CNOT6L: variants seen among roughly 807,000 people sequenced by gnomAD.
CNOT6L encodes CCR4-NOT transcription complex subunit 6-like.
A neutral mutation model predicts 64.0 loss-of-function variants in CNOT6L; 7 were observed. The observed-to-expected ratio is 0.11, with a 90% CI of 0.06 to 0.21. The LOEUF (loss-of-function observed/expected upper bound fraction) is 0.21, where lower values mean the gene tolerates loss of function less well. CNOT6L is among the 10% of genes least tolerant of loss of function. The pLI is 1.00. For synonymous variants in CNOT6L, 193 were observed against 243.4 expected, an observed-to-expected ratio of 0.79 and a Z score of 1.93; for missense variants, 245 against 669.0, an observed-to-expected ratio of 0.37 and a Z score of 6.99.
intron 4 of CNOT6L, among the ~76,000 whole-genome samples, chr4:77,764,379 C>T (rs772106079): frequency 2.6e-5 from 4 of 151,972 alleles, no homozygotes; most frequent in South Asian, 2.1e-4. Flanking sequence ...ATGAATAAAT[C>T]GTATGTCCCA....
chr4:77,732,704 C>T (rs1264587208), intron 8 of CNOT6L, among the ~76,000 whole-genome samples: 1 of 151,974 alleles, frequency 6.6e-6, no homozygotes, highest in African/African-American at 2.4e-5. Context: ...TTAAATATGA[C>T]AGATGAAAGT....
chr4:77,808,748 A>C (rs1005975674), intron 1 of CNOT6L, among the ~76,000 whole-genome samples: 2 of 152,184 alleles, frequency 1.3e-5, no homozygotes, highest in African/African-American at 2.4e-5. Flanking sequence ...GGCAAGAGCA[A>C]CATCTATCTC....
chr4:77,799,704 CAAAAAAAA>C (rs71214370), intron 1 of CNOT6L, among the ~76,000 whole-genome samples: 1 of 90,934 alleles, frequency 1.1e-5, no homozygotes, highest in Admixed American at 1.3e-4. Flanking sequence ...AACTCCATCT[CAAAAAAAA>C]AAAAAAAAAA....
chr4:77,772,068 T>C (rs1036858194), intron 4 of CNOT6L, among the ~76,000 whole-genome samples: 20 of 152,312 alleles, frequency 1.3e-4, no homozygotes, highest in Admixed American at 5.9e-4. Context: ...GAAGCATGCA[T>C]TTTGGACTAA....
chr4:77,717,048 A>AAAC lies in CNOT6L; in HGVS notation c.*3380_*3382dup, dbSNP rs1720819787. ...TATTATACAAAATTTTTTTTACATA[A>AAAC]AACATCATAAATCTGGAACAGATTT... On this transcript the variant is annotated 3_prime_UTR_variant, in exon 12 of 12. Transcript: ENST00000504123. The AAAC allele has an allele frequency of 6.6e-6, 1 of 152,562 alleles. No homozygotes were observed. Among genetic ancestry groups the AAAC allele is most frequent in the South Asian group, 2.1e-4 (1 of 4,828 alleles). The allele number at this position is 152,562 out of a possible 1,614,324, so 9.5% of individuals were successfully genotyped here.
intron 1 of CNOT6L, among the ~76,000 whole-genome samples, chr4:77,808,988 G>A (rs1048666949): frequency 6.6e-5 from 10 of 152,256 alleles, no homozygotes; most frequent in Admixed American, 1.3e-4. Context: ...AATAGTGTAC[G>A]TGTATTGTTT....
chr4:77,749,875 G>A (rs1724659048), intron 5 of CNOT6L, among the ~76,000 whole-genome samples: 1 of 152,186 alleles, frequency 6.6e-6, no homozygotes, highest in Admixed American at 6.6e-5. Flanking sequence ...CCCTATGACT[G>A]AGTAAAATTC....
At chr4:77,800,994 T>C (rs762868631) in intron 1 of CNOT6L, among the ~76,000 whole-genome samples, 9 of 152,216 alleles carry the variant, frequency 5.9e-5, no homozygotes, top group Non-Finnish European at 1.3e-4. Context: ...ACTCTACTCA[T>C]ATAAATGACT....
In CNOT6L at chr4:77,714,223, G is replaced by A. The variant is rs1022019568; in HGVS notation, c.*6208C>T. On this transcript the variant is annotated 3_prime_UTR_variant, in exon 12 of 12. Transcript: ENST00000504123. ...ATGACTCAAATGTATGCAAAATAAT[G>A]AATTCTTTAACTTAATGCCAGGTAA... The A allele has an allele frequency of 6.6e-6, 1 of 152,250 alleles. No homozygotes were observed. Among genetic ancestry groups the A allele is most frequent in the African/African-American group, 2.4e-5 (1 of 41,330 alleles). The allele number at this position is 152,250 out of a possible 1,614,324, so 9.4% of individuals were successfully genotyped here. A position where few individuals can be genotyped will look rare whatever the true frequency, so the allele number is the denominator to read the frequency against.
chr4:77,749,891 C>T (rs1724660593), intron 5 of CNOT6L, among the ~76,000 whole-genome samples: 1 of 152,152 alleles, frequency 6.6e-6, no homozygotes, highest in South Asian at 2.1e-4. Flanking sequence ...AATTCTATTT[C>T]CTGGGATCAG....
intron 1 of CNOT6L, among the ~76,000 whole-genome samples, chr4:77,780,363 T>C (rs929412529): frequency 6.6e-6 from 1 of 152,198 alleles, no homozygotes; most frequent in Non-Finnish European, 1.5e-5. Context: ...TACAACAACT[T>C]ACATAGATTC....
At chr4:77,731,615 G>T in intron 8 of CNOT6L, 77 bp from the exon 9 acceptor site, 3 of 1,069,524 alleles carry the variant, frequency 2.8e-6, no homozygotes, top group Non-Finnish European at 4.0e-6. Flanking sequence ...AACATGACAT[G>T]CATTGTCTCC....
At chr4:77,774,823 T>C (rs894290679) in intron 2 of CNOT6L, 107 bp from the exon 3 acceptor site, 14 of 613,706 alleles carry the variant, frequency 2.3e-5, no homozygotes, top group Non-Finnish European at 3.4e-5. Context: ...CACATGGATA[T>C]TGTATCTCTG....
At chr4:77,788,673 A>G (rs1182816145) in intron 1 of CNOT6L, among the ~76,000 whole-genome samples, 1 of 152,210 alleles carries the variant, frequency 6.6e-6, no homozygotes, top group Non-Finnish European at 1.5e-5. Flanking sequence ...CGCTGCAGTG[A>G]GCCAAGATTA....
intron 4 of CNOT6L, 82 bp downstream of exon 4, chr4:77,772,999 A>G: frequency 1.3e-6 from 1 of 760,620 alleles, no homozygotes; most frequent in Non-Finnish European, 2.2e-6. Flanking sequence ...TCTAAAACTC[A>G]TACTAAAACT....
At chr4:77,765,250 G>A (rs1171119378) in intron 4 of CNOT6L, among the ~76,000 whole-genome samples, 1 of 152,132 alleles carries the variant, frequency 6.6e-6, no homozygotes, top group Non-Finnish European at 1.5e-5. Flanking sequence ...ATCACCCCTT[G>A]TTTAGCATAT....
At chr4:77,777,278 T>C (rs1173857541) in intron 1 of CNOT6L, among the ~76,000 whole-genome samples, 1 of 152,160 alleles carries the variant, frequency 6.6e-6, no homozygotes, top group African/African-American at 2.4e-5. Context: ...GCCACCCTAA[T>C]CAAAACTAGC....
At chr4:77,749,049 A>G (rs1724537261) in intron 5 of CNOT6L, among the ~76,000 whole-genome samples, 1 of 152,140 alleles carries the variant, frequency 6.6e-6, no homozygotes, top group Admixed American at 6.5e-5. Context: ...TTACAGTACA[A>G]CTTGATTCAA....
At chr4:77,799,132 G>A (rs1731205755) in intron 1 of CNOT6L, among the ~76,000 whole-genome samples, 1 of 149,630 alleles carries the variant, frequency 6.7e-6, no homozygotes, top group Non-Finnish European at 1.5e-5. Flanking sequence ...CCCAAAACTG[G>A]AAACTGTTGA....
Sources: allele counts gnomAD v4.1 joint callset (sites outside exome capture counted in the v4.1 genomes callset), GRCh38; gene constraint gnomAD v4.1.1; transcripts MANE v1.5; gene names NCBI Gene and HGNC (gene_info 2026-07-23, HGNC 2026-07-21).